The following DCDC2C variants were observed in gnomAD, a reference collection of about 807,000 sequenced individuals.
DCDC2C encodes doublecortin domain-containing protein 2C.
Under a neutral mutation model 45.0 loss-of-function variants are expected in DCDC2C, and 44 were observed. The ratio of observed to expected loss-of-function variants is 0.98; its 90% CI spans 0.77 to 1.26. The LOEUF (loss-of-function observed/expected upper bound fraction) is 1.26. DCDC2C is among the 50% of genes most tolerant of loss of function. The pLI is 0.00. For synonymous variants in DCDC2C, 187 were observed against 178.8 expected (o/e 1.05, Z -0.37); for missense variants, 447 against 468.9 (o/e 0.95, Z 0.43).
intron 10 of DCDC2C, among the ~76,000 whole-genome samples, chr2:3,823,497 T>C (rs1007464165): frequency 2.6e-4 from 39 of 152,234 alleles, no homozygotes; most frequent in Non-Finnish European, 5.0e-4. Flanking sequence ...ATGTTGTTCA[T>C]GTTTTTAATT....
At chr2:3,748,227 G>C (rs1669432056) in intron 4 of DCDC2C, among the ~76,000 whole-genome samples, 1 of 152,140 alleles carries the variant, frequency 6.6e-6, no homozygotes, top group Admixed American at 6.5e-5. Context: ...TAGGAGACTT[G>C]TTTGGAGGCT....
chr2:3,732,388 T>C (rs543459405), intron 3 of DCDC2C, among the ~76,000 whole-genome samples: 30 of 152,240 alleles, frequency 2.0e-4, no homozygotes, highest in African/African-American at 6.0e-4. Context: ...AGATCTCTGG[T>C]TGGAGTGCTT....
intron 6 of DCDC2C, among the ~76,000 whole-genome samples, chr2:3,755,800 G>A (rs1669696200): frequency 6.6e-6 from 1 of 152,052 alleles, no homozygotes; most frequent in South Asian, 2.1e-4. Context: ...GTGTGTATAT[G>A]GATACATATG....
At chr2:3,733,198 G>A (rs1282761578) in intron 3 of DCDC2C, among the ~76,000 whole-genome samples, 5 of 152,226 alleles carry the variant, frequency 3.3e-5, no homozygotes, top group Non-Finnish European at 7.3e-5. Flanking sequence ...GTATTTGTCA[G>A]TGAAGGAAGG....
At chr2:3,819,991 T>C (rs1175749556) in intron 10 of DCDC2C, among the ~76,000 whole-genome samples, 1 of 152,132 alleles carries the variant, frequency 6.6e-6, no homozygotes, top group Non-Finnish European at 1.5e-5. Context: ...AGAGGTCAGA[T>C]GGGTCTGTAG....
intron 4 of DCDC2C, among the ~76,000 whole-genome samples, chr2:3,743,395 T>A (rs983956371): frequency 6.6e-6 from 1 of 152,102 alleles, no homozygotes; most frequent in African/African-American, 2.4e-5. Flanking sequence ...AATAACAACA[T>A]AAACCCAATA....
intron 10 of DCDC2C, among the ~76,000 whole-genome samples, chr2:3,825,461 C>T (rs1476654743): frequency 2.6e-5 from 4 of 152,166 alleles, no homozygotes; most frequent in Non-Finnish European, 2.9e-5. Context: ...TGTAGATTGT[C>T]TGGCTTTTTC....
At position 3,741,605 on chromosome 2, in the gene DCDC2C, G is replaced by A. The variant is rs535238888; in HGVS notation, c.417-315G>A. 3.9e-5 allele frequency among the ~76,000 whole-genome samples: 6 copies of A among 152,086 alleles called. No homozygotes were observed. In the South Asian group the frequency reaches 6.2e-4, roughly 16 times the overall value. ...GGGACAAGAGAACTTTTCCTGTTTC[G>A]CAACCACTATTAACCCTAAGGCACC... is the stretch of plus-strand genomic sequence containing the variant. On this transcript the variant is annotated intron_variant, in intron 3 of 10. Coordinates refer to ENST00000399143, the MANE Select transcript of DCDC2C (RefSeq NM_001287444.2).
At chr2:3,727,455 G>A (rs1668724623) in intron 3 of DCDC2C, among the ~76,000 whole-genome samples, 1 of 152,144 alleles carries the variant, frequency 6.6e-6, no homozygotes, top group Admixed American at 6.5e-5. Flanking sequence ...AGCAGTTGCA[G>A]CTGCAGCATG....
intron 10 of DCDC2C, among the ~76,000 whole-genome samples, chr2:3,794,813 C>T (rs1670913636): frequency 1.3e-5 from 2 of 152,230 alleles, no homozygotes; most frequent in South Asian, 2.1e-4. Context: ...TGAATAATGC[C>T]TCAATAAACA....
At chr2:3,809,139 G>A (rs1157354434) in intron 10 of DCDC2C, among the ~76,000 whole-genome samples, 1 of 152,050 alleles carries the variant, frequency 6.6e-6, no homozygotes, top group East Asian at 1.9e-4. Flanking sequence ...AAGCTTTCTT[G>A]ATTACTGCAG....
chr2:3,783,263 G>A (rs977303295), intron 9 of DCDC2C, among the ~76,000 whole-genome samples: 1 of 152,164 alleles, frequency 6.6e-6, no homozygotes, highest in African/African-American at 2.4e-5. Context: ...CTCTGATTTG[G>A]GGTTATGATT....
chr2:3,819,006 A>G (rs1165021074), intron 10 of DCDC2C, among the ~76,000 whole-genome samples: 1 of 152,198 alleles, frequency 6.6e-6, no homozygotes, highest in South Asian at 2.1e-4. Context: ...CACAACAGCT[A>G]TGGAAGCAAG....
At chr2:3,745,291 A>G (rs1480220650) in intron 4 of DCDC2C, among the ~76,000 whole-genome samples, 1 of 152,210 alleles carries the variant, frequency 6.6e-6, no homozygotes, top group African/African-American at 2.4e-5. Flanking sequence ...CAGCCTTGGA[A>G]TAAATCTTAA....
intron 10 of DCDC2C, among the ~76,000 whole-genome samples, chr2:3,791,766 C>A (rs1443798221): frequency 1.3e-5 from 2 of 152,214 alleles, no homozygotes; most frequent in Non-Finnish European, 2.9e-5. Flanking sequence ...CTCTTCCTCC[C>A]CTCCCGCCGG....
intron 6 of DCDC2C, among the ~76,000 whole-genome samples, chr2:3,760,586 C>T (rs1316121403): frequency 2.0e-5 from 3 of 152,132 alleles, no homozygotes; most frequent in Non-Finnish European, 4.4e-5. Flanking sequence ...GAACAGAAAA[C>T]CAAACACCAC....
At chr2:3,721,007 C>G (rs1045569405) in intron 2 of DCDC2C, among the ~76,000 whole-genome samples, 1 of 152,102 alleles carries the variant, frequency 6.6e-6, no homozygotes, top group Non-Finnish European at 1.5e-5. Context: ...TTGATTCGTT[C>G]ATTTCGTTTA....
chr2:3,739,685 T>G (rs945707860), intron 3 of DCDC2C, among the ~76,000 whole-genome samples: 2 of 152,218 alleles, frequency 1.3e-5, no homozygotes, highest in African/African-American at 4.8e-5. Context: ...GTCCACTCAA[T>G]AAAACCTTGC....
chr2:3,767,024 C>A (rs4849926), intron 6 of DCDC2C, among the ~76,000 whole-genome samples: 48,060 of 152,144 alleles, frequency 0.32, 8,344 homozygotes, highest in Admixed American at 0.43. Flanking sequence ...TGCCAAAAGA[C>A]TTTTCCCGCC....
Sources: gnomAD v4.1 joint callset for allele counts (sites outside exome capture counted in the v4.1 genomes callset) on GRCh38, gnomAD v4.1.1 for gene constraint, MANE v1.5 for transcripts, NCBI Gene and HGNC (gene_info 2026-07-23, HGNC 2026-07-21) for gene names.